MARCHF1: variants seen among roughly 807,000 people sequenced by gnomAD.
MARCHF1 encodes the protein membrane associated ring-CH-type finger 1.
A neutral mutation model predicts 54.2 loss-of-function variants in MARCHF1; 40 were observed. That is an observed-to-expected ratio of 0.74 (90% confidence interval 0.57 to 0.96). The LOEUF (loss-of-function observed/expected upper bound fraction) is 0.96. Ranked by LOEUF, MARCHF1 falls within the 40% of genes least tolerant of loss-of-function variation. The pLI is 0.00. For missense variants in MARCHF1, 586 were observed against 656.5 expected (o/e 0.89, Z 1.17); for synonymous variants, 236 against 236.3 (o/e 1.00, Z 0.01).
At chr4:163,959,091 T>C (rs965495161) in intron 3 of MARCHF1, among the ~76,000 whole-genome samples, 5 of 151,868 alleles carry the variant, frequency 3.3e-5, no homozygotes, top group African/African-American at 1.2e-4. Context: ...GTTCCCCAGG[T>C]TGATCTACCA....
intron 2 of MARCHF1, among the ~76,000 whole-genome samples, chr4:164,041,660 T>C (rs1754131701): frequency 6.6e-6 from 1 of 152,196 alleles, no homozygotes; most frequent in Admixed American, 6.6e-5. Context: ...CTAGCACCAG[T>C]AGCATCAACA....
chr4:163,724,814 G>A (rs1010648285), intron 4 of MARCHF1, among the ~76,000 whole-genome samples: 3 of 152,164 alleles, frequency 2.0e-5, no homozygotes, highest in Admixed American at 6.5e-5. Context: ...AGCCATGCAT[G>A]GGATATAATC....
chr4:163,864,966 T>G (rs1405366931), intron 3 of MARCHF1, among the ~76,000 whole-genome samples: 1 of 151,922 alleles, frequency 6.6e-6, no homozygotes. Context: ...ATCACTGATT[T>G]AGGACTAAAC....
chr4:163,878,691 C>A (rs988427732), intron 3 of MARCHF1, among the ~76,000 whole-genome samples: 7 of 152,182 alleles, frequency 4.6e-5, no homozygotes, highest in African/African-American at 1.7e-4. Flanking sequence ...TTTCCCTAAG[C>A]CACCAAAATA....
chr4:164,307,939 A>G (rs1734739762), intron 1 of MARCHF1, among the ~76,000 whole-genome samples: 1 of 152,128 alleles, frequency 6.6e-6, no homozygotes, highest in Non-Finnish European at 1.5e-5. Context: ...CTTTCAAATC[A>G]TGTGTCTTCA....
intron 4 of MARCHF1, among the ~76,000 whole-genome samples, chr4:163,821,032 T>C (rs532889702): frequency 2.6e-3 from 403 of 152,196 alleles, no homozygotes; most frequent in Non-Finnish European, 4.2e-3. Flanking sequence ...TGGTCCTGGC[T>C]CCACCTCTCT....
At chr4:164,038,289 C>T (rs1036294044) in intron 2 of MARCHF1, among the ~76,000 whole-genome samples, 4 of 152,000 alleles carry the variant, frequency 2.6e-5, no homozygotes, top group Admixed American at 6.6e-5. Flanking sequence ...GTCAGGAGAT[C>T]GAGACCATCC....
intron 1 of MARCHF1, among the ~76,000 whole-genome samples, chr4:164,252,285 A>G (rs1374393860): frequency 6.6e-6 from 1 of 152,178 alleles, no homozygotes; most frequent in Non-Finnish European, 1.5e-5. Flanking sequence ...GGTAGAACAG[A>G]TATTTTTAAA....
At chr4:163,814,415 T>C (rs552297795) in intron 4 of MARCHF1, among the ~76,000 whole-genome samples, 2 of 152,030 alleles carry the variant, frequency 1.3e-5, no homozygotes, top group South Asian at 4.1e-4. Context: ...TTATCTCTAC[T>C]AAAAATAGAA....
At chr4:164,146,584 A>G (rs983594634) in intron 1 of MARCHF1, among the ~76,000 whole-genome samples, 37 of 152,228 alleles carry the variant, frequency 2.4e-4, no homozygotes, top group African/African-American at 8.2e-4. Flanking sequence ...AGGATTCCCT[A>G]TTTAATAAAT....
chr4:164,373,352 CTTTT>C (rs5863683), intron 1 of MARCHF1, among the ~76,000 whole-genome samples: 5 of 91,614 alleles, frequency 5.5e-5, no homozygotes, highest in African/African-American at 8.5e-5. Flanking sequence ...TGAAAAACTA[CTTTT>C]TTTTTTTTTT....
chr4:164,086,866 G>A (rs1755203050), intron 2 of MARCHF1, among the ~76,000 whole-genome samples: 2 of 152,010 alleles, frequency 1.3e-5, no homozygotes, highest in African/African-American at 2.4e-5. Flanking sequence ...CCTGTCAAGT[G>A]AATGACAGGA....
At chr4:164,159,987 T>C (rs1730187431) in intron 1 of MARCHF1, among the ~76,000 whole-genome samples, 1 of 152,152 alleles carries the variant, frequency 6.6e-6, no homozygotes, top group Non-Finnish European at 1.5e-5. Context: ...TTAACACCCT[T>C]CCTTCTGAAC....
chr4:164,126,630 G>A (rs1214430862), intron 1 of MARCHF1, among the ~76,000 whole-genome samples: 1 of 152,148 alleles, frequency 6.6e-6, no homozygotes, highest in African/African-American at 2.4e-5. Flanking sequence ...ATAGATTAAG[G>A]GTGATACTGG....
At chr4:163,647,534 A>ATT (rs1283342692) in intron 5 of MARCHF1, among the ~76,000 whole-genome samples, 2 of 152,040 alleles carry the variant, frequency 1.3e-5, no homozygotes, top group African/African-American at 4.8e-5. Context: ...GTCTTAACAA[A>ATT]TTTAAAAAGA....
chr4:164,145,570 A>T (rs975494640), intron 1 of MARCHF1, among the ~76,000 whole-genome samples: 3 of 152,146 alleles, frequency 2.0e-5, no homozygotes, highest in African/African-American at 7.2e-5. Flanking sequence ...AAAGACAAAA[A>T]CCACATGATT....
chr4:163,883,245 G>GTATA (rs35263296), intron 3 of MARCHF1, among the ~76,000 whole-genome samples: 4 of 101,894 alleles, frequency 3.9e-5, no homozygotes, highest in African/African-American at 1.4e-4. Context: ...ATATGTGTGT[G>GTATA]TATATATATA....
intron 1 of MARCHF1, among the ~76,000 whole-genome samples, chr4:164,178,268 A>G (rs1426768333): frequency 6.6e-6 from 1 of 152,218 alleles, no homozygotes; most frequent in East Asian, 1.9e-4. Context: ...AAGTAACTTT[A>G]GTTTGGAGAT....
intron 3 of MARCHF1, among the ~76,000 whole-genome samples, chr4:163,877,741 TTCACAGCTACCA>T (rs1317257722): frequency 2.0e-5 from 3 of 152,196 alleles, no homozygotes. Context: ...ACGTCTCACC[TTCACAGCTACCA>T]TCTTGGATCT....
Sources: gnomAD v4.1 joint callset for allele counts (sites outside exome capture counted in the v4.1 genomes callset) on GRCh38, gnomAD v4.1.1 for gene constraint, MANE v1.5 for transcripts, NCBI Gene and HGNC (gene_info 2026-07-23, HGNC 2026-07-21) for gene names.